The following ATXN8OS variants were observed in gnomAD, a reference collection of about 807,000 sequenced individuals.
ATXN8OS encodes the protein ATXN8 opposite strand lncRNA.
chr13:70,110,823 A>C (rs571151670), intron 1 of ATXN8OS, among the ~76,000 whole-genome samples: 2 of 152,314 alleles, frequency 1.3e-5, no homozygotes, highest in East Asian at 3.9e-4. Flanking sequence ...GAACCCACAA[A>C]AGAGGACTGT....
At chr13:70,114,552 T>C (rs1025388522) in intron 1 of ATXN8OS, among the ~76,000 whole-genome samples, 2 of 152,174 alleles carry the variant, frequency 1.3e-5, no homozygotes, top group African/African-American at 4.8e-5. Flanking sequence ...TTTCAGATTA[T>C]ATTACATTCT....
chr13:70,138,951 T>C (rs948466900), intron 3 of ATXN8OS, among the ~76,000 whole-genome samples: 3 of 152,170 alleles, frequency 2.0e-5, no homozygotes, highest in Admixed American at 2.0e-4. Context: ...CCAGCCTTAC[T>C]GTTTTTCTCA....
intron 3 of ATXN8OS, among the ~76,000 whole-genome samples, chr13:70,133,054 C>T (rs867564774): frequency 1.2e-4 from 19 of 152,224 alleles, no homozygotes; most frequent in Middle Eastern, 3.4e-3. Context: ...TAATCAATCA[C>T]CTAGTTATGC....
intron 3 of ATXN8OS, among the ~76,000 whole-genome samples, chr13:70,142,079 T>C (rs1193833605): frequency 6.6e-6 from 1 of 152,086 alleles, no homozygotes. Context: ...AGACAGGGTT[T>C]CTCCATGTTG....
intron 4 of ATXN8OS, among the ~76,000 whole-genome samples, chr13:70,154,736 GA>G: frequency 6.6e-6 from 1 of 152,280 alleles, no homozygotes; most frequent in East Asian, 1.9e-4. Flanking sequence ...TTTGTTTTAT[GA>G]AATGAGTTTA....
Position 70,168,022 on chromosome 13 carries a change from G to A in ATXN8OS, n.574-1731G>A, listed in dbSNP as rs574044529. Among the ~76,000 whole-genome samples, 20 of 152,112 alleles carry A rather than the reference G, an allele frequency of 1.3e-4. No individual in the cohort carries two copies. In the South Asian group the frequency reaches 1.7e-3, roughly 13 times the overall value. ...CTTACAGGCGTGAGCCACCGCGCCC[G>A]GCCAACATATGTGACTTCTAATGTG... On this transcript the variant is annotated intron_variant and non_coding_transcript_variant, in intron 4 of 4. Coordinates refer to ENST00000678624, the Ensembl canonical transcript of ATXN8OS.
chr13:70,167,400 C>T (rs1200663853), intron 4 of ATXN8OS, among the ~76,000 whole-genome samples: 1 of 151,848 alleles, frequency 6.6e-6, no homozygotes, highest in East Asian at 1.9e-4. Flanking sequence ...CTCAGCAAAC[C>T]ATGGCAAGGA....
rs978641641 is a variant in ATXN8OS, at chr13:70,145,331, C to T, written n.500-2024C>T. On this transcript the variant is annotated intron_variant and non_coding_transcript_variant, in intron 3 of 4. Transcript: ENST00000678624. ...TTGGCTTAGGATTGACTTGGTGATA[C>T]GGGCTCTTTTTTGGTTCCATATGAA... 7.2e-5 allele frequency among the ~76,000 whole-genome samples: 11 copies of T among 151,824 alleles called. No homozygotes were observed. The East Asian group carries it at 1.6e-3, about 21-fold the overall frequency.
chr13:70,159,399 A>G (rs1888976304), intron 4 of ATXN8OS, among the ~76,000 whole-genome samples: 1 of 152,086 alleles, frequency 6.6e-6, no homozygotes, highest in Non-Finnish European at 1.5e-5. Flanking sequence ...ACTGCTTTAC[A>G]GAAGTAGTAC....
chr13:70,108,341 A>T (rs1888129488), intron 1 of ATXN8OS: 1 of 280,276 alleles, frequency 3.6e-6, no homozygotes, highest in African/African-American at 2.2e-5. Context: ...GCAATGCCAG[A>T]AGAGGTGGTT....
chr13:70,118,835 C>CT (rs58934253), intron 2 of ATXN8OS, among the ~76,000 whole-genome samples: 36,934 of 144,836 alleles, frequency 0.26, 4,831 homozygotes, highest in African/African-American at 0.33. Flanking sequence ...CAGATATATA[C>CT]TTTTTTTTTT....
intron 3 of ATXN8OS, among the ~76,000 whole-genome samples, chr13:70,143,327 G>C (rs1888741178): frequency 6.6e-6 from 1 of 151,940 alleles, no homozygotes; most frequent in Admixed American, 6.6e-5. Context: ...GTATCACCCA[G>C]AGGAATTTAC....
chr13:70,124,421 C>A (rs1328614), intron 2 of ATXN8OS, among the ~76,000 whole-genome samples: 107,971 of 151,904 alleles, frequency 0.71, 38,765 homozygotes, highest in South Asian at 0.85. Flanking sequence ...ACATTAGATA[C>A]TATGGTTAGA....
intron 4 of ATXN8OS, among the ~76,000 whole-genome samples, chr13:70,153,313 G>A (rs371394404): frequency 1.3e-5 from 2 of 152,038 alleles, no homozygotes; most frequent in Non-Finnish European, 2.9e-5. Flanking sequence ...AGTGGCTCAC[G>A]CCTATAATCC....
chr13:70,122,600 C>T (rs1888375602), intron 2 of ATXN8OS, among the ~76,000 whole-genome samples: 1 of 151,960 alleles, frequency 6.6e-6, no homozygotes, highest in Non-Finnish European at 1.5e-5. Flanking sequence ...GTCAAAATGA[C>T]ATTTCTTCTA....
intron 2 of ATXN8OS, among the ~76,000 whole-genome samples, chr13:70,124,082 C>A (rs1268980935): frequency 6.6e-6 from 1 of 151,964 alleles, no homozygotes; most frequent in Non-Finnish European, 1.5e-5. Flanking sequence ...TGCCATTTTT[C>A]TTTATATTAT....
At chr13:70,150,675 T>C (rs961185283) in intron 4 of ATXN8OS, among the ~76,000 whole-genome samples, 1 of 152,060 alleles carries the variant, frequency 6.6e-6, no homozygotes, top group Non-Finnish European at 1.5e-5. Context: ...TAAGCACATC[T>C]TTCTAAAGTA....
chr13:70,155,230 G>A (rs1888922239), intron 4 of ATXN8OS, among the ~76,000 whole-genome samples: 1 of 152,114 alleles, frequency 6.6e-6, no homozygotes. Context: ...TAGTTTCCTT[G>A]ATACAAACAT....
intron 3 of ATXN8OS, among the ~76,000 whole-genome samples, chr13:70,137,029 G>C (rs189365454): frequency 5.3e-5 from 8 of 152,230 alleles, no homozygotes; most frequent in Admixed American, 5.2e-4. Flanking sequence ...AGAGAGATCT[G>C]CAATTCCATT....
Sources: allele counts gnomAD v4.1 joint callset (sites outside exome capture counted in the v4.1 genomes callset), GRCh38; gene constraint gnomAD v4.1.1; transcripts MANE v1.5; gene names NCBI Gene and HGNC (gene_info 2026-07-23, HGNC 2026-07-21).